TMEM132C: variants seen among roughly 807,000 people sequenced by gnomAD.
TMEM132C encodes the protein transmembrane protein 132C, also known as protein phosphatase 1, regulatory subunit 152.
Under a neutral mutation model 61.4 loss-of-function variants are expected in TMEM132C, and 29 were observed. The ratio of observed to expected loss-of-function variants is 0.47; its 90% confidence interval spans 0.35 to 0.64. The LOEUF (loss-of-function observed/expected upper bound fraction) is 0.64. Ranked by LOEUF, TMEM132C falls within the 30% of genes least tolerant of loss-of-function variation. The pLI, the probability that TMEM132C is intolerant of heterozygous loss-of-function variation, is 0.00. For missense variants in TMEM132C, 1,408 were observed against 1,476.9 expected (o/e 0.95, Z 0.76); for synonymous variants, 656 against 633.1 (o/e 1.04, Z -0.54).
intron 2 of TMEM132C, among the ~76,000 whole-genome samples, chr12:128,535,434 G>C (rs4882783): frequency 0.019 from 2,879 of 152,284 alleles, 146 homozygotes; most frequent in East Asian, 0.14. Context: ...CGAAGGATAT[G>C]AACAGACACT....
chr12:128,668,801 C>T (rs1231942097), intron 4 of TMEM132C, among the ~76,000 whole-genome samples: 1 of 152,166 alleles, frequency 6.6e-6, no homozygotes, highest in Non-Finnish European at 1.5e-5. Flanking sequence ...TCTCTTGGCT[C>T]ATGGCCATAT....
rs567815098 is a variant in TMEM132C at position 128,375,213 on chromosome 12, C to T, written c.86-39519C>T. Among the ~76,000 whole-genome samples, 36 of 151,740 alleles carry T rather than the reference C, an allele frequency of 2.4e-4. No homozygotes were observed. In the South Asian group the frequency reaches 7.5e-3, roughly 31 times the overall value. On this transcript the variant is annotated intron_variant, in intron 1 of 8. Transcript: ENST00000435159. Reference sequence around the variant, plus strand: ...CAACCAGGCTGTCCTGGTTGAAAAGCACTGGGGACAGTGTGACCGGGGTGG... The same window carrying T: ...CAACCAGGCTGTCCTGGTTGAAAAGTACTGGGGACAGTGTGACCGGGGTGG...
chr12:128,450,436 A>G (rs955256922), intron 2 of TMEM132C, among the ~76,000 whole-genome samples: 26 of 152,248 alleles, frequency 1.7e-4, no homozygotes, highest in Non-Finnish European at 3.7e-4. Context: ...TTTATTTCCA[A>G]TTCCCTCAGC....
intron 1 of TMEM132C, among the ~76,000 whole-genome samples, chr12:128,414,475 T>C (rs954708): frequency 0.41 from 62,525 of 152,060 alleles, 13,261 homozygotes; most frequent in Non-Finnish European, 0.47. Flanking sequence ...TCTATGAAAC[T>C]GCCACCATTC....
At chr12:128,371,748 T>TA (rs1264576242) in intron 1 of TMEM132C, among the ~76,000 whole-genome samples, 2 of 152,144 alleles carry the variant, frequency 1.3e-5, no homozygotes, top group African/African-American at 4.8e-5. Flanking sequence ...AACATATTTT[T>TA]AAAATTTTTT....
intron 4 of TMEM132C, among the ~76,000 whole-genome samples, chr12:128,629,827 G>C (rs1174499765): frequency 6.6e-6 from 1 of 152,048 alleles, no homozygotes; most frequent in Non-Finnish European, 1.5e-5. Context: ...TTAGCTGGGC[G>C]TGGTGGTGCA....
At chr12:128,514,957 A>G (rs895290648) in intron 2 of TMEM132C, among the ~76,000 whole-genome samples, 2 of 152,240 alleles carry the variant, frequency 1.3e-5, no homozygotes, top group Non-Finnish European at 2.9e-5. Context: ...AATAAAACAC[A>G]GTAAATAACT....
At chr12:128,426,724 A>C (rs182502808) in intron 2 of TMEM132C, among the ~76,000 whole-genome samples, 126 of 152,184 alleles carry the variant, frequency 8.3e-4, no homozygotes, top group Admixed American at 2.0e-3. Context: ...CCCATAACAC[A>C]TCTGGGTTGC....
rs567506811 is a variant in TMEM132C at position 128,635,239 on chromosome 12, A to T, written c.1305+18904A>T. Among the ~76,000 whole-genome samples, 17 of 152,342 alleles carry T rather than the reference A, an allele frequency of 1.1e-4. No homozygotes were observed. In the South Asian group the frequency reaches 3.3e-3, roughly 30 times the overall value. On this transcript the variant is annotated intron_variant, in intron 4 of 8. Transcript: ENST00000435159. ...TGTATCCTATAATTGAAGCAAAAAAAGTTTTCAGAATGCTTACAGAATTCC... is the reference window on the plus strand; with the variant it reads ...TGTATCCTATAATTGAAGCAAAAAATGTTTTCAGAATGCTTACAGAATTCC...
chr12:128,272,981 A>G (rs1426692477), intron 1 of TMEM132C, among the ~76,000 whole-genome samples: 1 of 152,098 alleles, frequency 6.6e-6, no homozygotes. Flanking sequence ...TTACATTTTA[A>G]TGATGTTTAG....
At chr12:128,442,747 ACCATTTTAAAGTGACCGCTTCAGT>A (rs1869840126) in intron 2 of TMEM132C, among the ~76,000 whole-genome samples, 2 of 152,200 alleles carry the variant, frequency 1.3e-5, no homozygotes, top group African/African-American at 2.4e-5. Flanking sequence ...CATAAAATTC[ACCATTTTAAAGTGACCGCTTCAGT>A]GGCACTTACT....
intron 4 of TMEM132C, among the ~76,000 whole-genome samples, chr12:128,624,514 A>T (rs1033575710): frequency 1.4e-5 from 2 of 148,042 alleles, no homozygotes; most frequent in African/African-American, 5.1e-5. Flanking sequence ...ATTGCACTCC[A>T]ACCTGGGTGA....
At chr12:128,333,213 AGT>A (rs535621744) in intron 1 of TMEM132C, among the ~76,000 whole-genome samples, 18 of 149,750 alleles carry the variant, frequency 1.2e-4, no homozygotes, top group African/African-American at 3.9e-4. Context: ...TATGTGTGAG[AGT>A]GTGTGATGTG....
chr12:128,536,428 T>C (rs564701734), intron 2 of TMEM132C, among the ~76,000 whole-genome samples: 84 of 152,032 alleles, frequency 5.5e-4, no homozygotes, highest in African/African-American at 1.9e-3. Context: ...CATTAGGAGA[T>C]AAACCTAATG....
At chr12:128,658,983 T>G (rs754875272) in intron 4 of TMEM132C, among the ~76,000 whole-genome samples, 8 of 152,176 alleles carry the variant, frequency 5.3e-5, no homozygotes, top group Non-Finnish European at 8.8e-5. Context: ...AAAAGGAAGA[T>G]GACTCCATGG....
chr12:128,418,960 G>A lies in TMEM132C; in HGVS notation c.974+3340G>A, dbSNP rs118040051. 7.9e-3 allele frequency among the ~76,000 whole-genome samples: 1,194 copies of A among 151,888 alleles called. 4 individuals are homozygous for A. Among genetic ancestry groups the A allele is most frequent in the Non-Finnish European group, 0.012 (828 of 67,990 alleles). On this transcript the variant is annotated intron_variant, in intron 2 of 8. Coordinates refer to ENST00000435159, the MANE Select transcript of TMEM132C (RefSeq NM_001136103.3). ...CTTCCTGTGCAGAGATGCCATCTTC[G>A]CAGGCCCCTAGATACGTTGTGTGTT...
At chr12:128,304,652 GC>G (rs1871705607) in intron 1 of TMEM132C, among the ~76,000 whole-genome samples, 2 of 151,780 alleles carry the variant, frequency 1.3e-5, no homozygotes, top group African/African-American at 4.8e-5. Context: ...AAAAGAAAGA[GC>G]CTTTCAGAAT....
intron 2 of TMEM132C, among the ~76,000 whole-genome samples, chr12:128,492,377 C>G (rs144434120): frequency 0.018 from 2,726 of 152,182 alleles, 85 homozygotes; most frequent in African/African-American, 0.06. Context: ...GTAATGGGAT[C>G]GCTGGGTCAA....
At chr12:128,648,119 T>A (rs1954228063) in intron 4 of TMEM132C, among the ~76,000 whole-genome samples, 1 of 151,610 alleles carries the variant, frequency 6.6e-6, no homozygotes, top group African/African-American at 2.4e-5. Context: ...GTGTGTTTAC[T>A]GGAGTCCATT....
Sources: gnomAD v4.1 joint callset for allele counts (sites outside exome capture counted in the v4.1 genomes callset) on GRCh38, gnomAD v4.1.1 for gene constraint, MANE v1.5 for transcripts, NCBI Gene and HGNC (gene_info 2026-07-23, HGNC 2026-07-21) for gene names.